LINGO2: variants seen among roughly 807,000 people sequenced by gnomAD.
The protein encoded by LINGO2 is leucine rich repeat and Ig domain containing 2.
In LINGO2, 14 loss-of-function variants were observed where a neutral mutation model predicts 30.6. That is an observed-to-expected ratio of 0.46 (90% CI 0.30 to 0.72). The LOEUF is 0.72. Among genes scored for constraint, LINGO2 ranks in the 30% least tolerant of loss-of-function variants. LINGO2 has a pLI of 0.07. For synonymous variants in LINGO2, 317 were observed against 288.5 expected, an observed-to-expected ratio of 1.10 and a Z score of -1.00; for missense variants, 729 against 751.7, an observed-to-expected ratio of 0.97 and a Z score of 0.35.
At chr9:28,352,647 A>T (rs1234803136) in intron 3 of LINGO2, among the ~76,000 whole-genome samples, 2 of 129,466 alleles carry the variant, frequency 1.5e-5, no homozygotes, top group African/African-American at 6.0e-5. Context: ...ATTGGAAAAA[A>T]CTACTTTAAA....
At chr9:28,579,096 T>C (rs564132039) in intron 1 of LINGO2, among the ~76,000 whole-genome samples, 1 of 151,906 alleles carries the variant, frequency 6.6e-6, no homozygotes, top group Admixed American at 6.6e-5. Flanking sequence ...ACAGTATGTG[T>C]GAGGTTCAAT....
chr9:29,003,533 T>C, the LINGO2 span, among the ~76,000 whole-genome samples: 2 of 151,958 alleles, frequency 1.3e-5, no homozygotes, highest in African/African-American at 4.8e-5. Context: ...GAAAGAGAAA[T>C]ACAGTGATAA....
chr9:28,833,780 C>G, the LINGO2 span, among the ~76,000 whole-genome samples: 2 of 152,060 alleles, frequency 1.3e-5, no homozygotes, highest in Non-Finnish European at 2.9e-5. Context: ...AGAAAGAAAG[C>G]ACGTTTCTAT....
At chr9:28,520,577 A>C (rs1820792610) in intron 1 of LINGO2, among the ~76,000 whole-genome samples, 1 of 152,084 alleles carries the variant, frequency 6.6e-6, no homozygotes, top group Non-Finnish European at 1.5e-5. Context: ...CACCCACTAG[A>C]ATGCAAGTTC....
chr9:28,359,146 C>T (rs1422530401), intron 3 of LINGO2, among the ~76,000 whole-genome samples: 1 of 152,160 alleles, frequency 6.6e-6, no homozygotes, highest in African/African-American at 2.4e-5. Flanking sequence ...ATCTGTACCT[C>T]TCACGGTTTT....
chr9:28,691,250 A>G, the LINGO2 span, among the ~76,000 whole-genome samples: 3 of 152,214 alleles, frequency 2.0e-5, no homozygotes, highest in African/African-American at 7.2e-5. Flanking sequence ...AAACTGTATG[A>G]TGTCAATTTA....
At chr9:29,213,373 G>A in the LINGO2 span, among the ~76,000 whole-genome samples, 2 of 152,172 alleles carry the variant, frequency 1.3e-5, no homozygotes, top group Non-Finnish European at 2.9e-5. Context: ...GGTGTAAGAA[G>A]AGCCACTCCA....
At chr9:28,560,307 C>T (rs184295733) in intron 1 of LINGO2, among the ~76,000 whole-genome samples, 20 of 152,134 alleles carry the variant, frequency 1.3e-4, no homozygotes, top group Admixed American at 3.9e-4. Context: ...AGTTGCTCCC[C>T]ATAATGTGGG....
the LINGO2 span, among the ~76,000 whole-genome samples, chr9:29,012,632 G>A: frequency 1.3e-5 from 2 of 151,942 alleles, no homozygotes; most frequent in African/African-American, 4.8e-5. Context: ...CTAGTAACAA[G>A]GACATAATTA....
chr9:28,362,264 ATG>A (rs1820480715), intron 3 of LINGO2, among the ~76,000 whole-genome samples: 1 of 151,964 alleles, frequency 6.6e-6, no homozygotes, highest in South Asian at 2.1e-4. Flanking sequence ...GTGTGTGTGC[ATG>A]TGTGCGTGTT....
At chr9:28,320,433 C>T (rs574008814) in intron 3 of LINGO2, among the ~76,000 whole-genome samples, 14 of 152,212 alleles carry the variant, frequency 9.2e-5, no homozygotes, top group East Asian at 5.8e-4. Flanking sequence ...TGCAGTTAGC[C>T]GACATAATTG....
intron 4 of LINGO2, among the ~76,000 whole-genome samples, chr9:28,074,458 T>A (rs1003411418): frequency 6.6e-6 from 1 of 152,154 alleles, no homozygotes; most frequent in Non-Finnish European, 1.5e-5. Flanking sequence ...GCCAGGTACT[T>A]CACTAGGCAC....
chr9:29,048,549 CATA>C, the LINGO2 span, among the ~76,000 whole-genome samples: 1 of 152,042 alleles, frequency 6.6e-6, no homozygotes, highest in African/African-American at 2.4e-5. Context: ...CTGGAGGAAT[CATA>C]ATACCTGGCT....
At chr9:28,232,384 C>T (rs1717591714) in intron 4 of LINGO2, among the ~76,000 whole-genome samples, 1 of 141,008 alleles carries the variant, frequency 7.1e-6, no homozygotes, top group Non-Finnish European at 1.5e-5. Flanking sequence ...CGCCACTGCA[C>T]TCCAGCCTGG....
intron 4 of LINGO2, among the ~76,000 whole-genome samples, chr9:28,174,997 T>C (rs1479770068): frequency 6.6e-6 from 1 of 151,802 alleles, no homozygotes; most frequent in Non-Finnish European, 1.5e-5. Context: ...TTCATTCTAC[T>C]GGCCAAGTAT....
rs116295843 is a variant in LINGO2 at position 28,540,584 on chromosome 9, T to A, written c.-364-64559A>T. 7.7e-3 allele frequency among the ~76,000 whole-genome samples: 1,175 copies of A among 152,208 alleles called. 19 individuals are homozygous for A. Among genetic ancestry groups the A allele is most frequent in the African/African-American group, 0.026 (1,062 of 41,546 alleles). ...GCCCATTTTTCAGTTCTCTTTTGCA[T>A]TTTTCTTCCAAATAATCTAAAGAAA... On this transcript the variant is annotated intron_variant, in intron 1 of 5. Transcript: ENST00000379992.
chr9:28,443,431 G>A (rs73644044), intron 2 of LINGO2, among the ~76,000 whole-genome samples: 1 of 152,170 alleles, frequency 6.6e-6, no homozygotes, highest in Non-Finnish European at 1.5e-5. Flanking sequence ...TGGGGCAGGA[G>A]CCCCATATTC....
At chr9:28,053,416 C>A (rs1824769242) in intron 4 of LINGO2, among the ~76,000 whole-genome samples, 1 of 152,038 alleles carries the variant, frequency 6.6e-6, no homozygotes. Flanking sequence ...AACACAAACA[C>A]ATTTTCTAAA....
chr9:28,310,409 A>G (rs1442866913), intron 3 of LINGO2, among the ~76,000 whole-genome samples: 4 of 152,178 alleles, frequency 2.6e-5, no homozygotes, highest in Admixed American at 2.6e-4. Flanking sequence ...TCACAAAATA[A>G]TTATGCTGCA....
Sources: allele counts gnomAD v4.1 joint callset (sites outside exome capture counted in the v4.1 genomes callset), GRCh38; gene constraint gnomAD v4.1.1; transcripts MANE v1.5; gene names NCBI Gene and HGNC (gene_info 2026-07-23, HGNC 2026-07-21).